SLC6A7: variants seen among roughly 807,000 people sequenced by gnomAD.
The protein encoded by SLC6A7 is solute carrier family 6 member 7, also known as sodium-dependent proline transporter.
SLC6A7 carries 58 observed loss-of-function variants against 73.1 expected under a neutral mutation model. The ratio of observed to expected loss-of-function variants is 0.79; its 90% CI spans 0.64 to 0.99. The LOEUF (loss-of-function observed/expected upper bound fraction) is 0.99. Ranked by LOEUF, SLC6A7 falls within the 50% of genes least tolerant of loss-of-function variation. The pLI is 0.00. For missense variants in SLC6A7, 783 were observed against 831.4 expected, an observed-to-expected ratio of 0.94 and a Z score of 0.72; for synonymous variants, 338 against 338.7, an observed-to-expected ratio of 1.00 and a Z score of 0.02.
rs898638662 is a variant in SLC6A7, at chr5:150,210,891, G to A, written c.*1276G>A. 1 of 152,450 alleles carries A rather than the reference G, an allele frequency of 6.6e-6. No homozygotes were observed. The allele number at this position is 152,450 out of a possible 1,614,324, so 9.4% of individuals were successfully genotyped here. On this transcript the variant is annotated 3_prime_UTR_variant, in exon 14 of 14. Transcript: ENST00000230671. Reference sequence around the variant, plus strand: ...TACTGTGGGTCCCTCAAAGAGGAGAGTGGGGTGCAGAAATGCCTCAGCATG... The same window carrying A: ...TACTGTGGGTCCCTCAAAGAGGAGAATGGGGTGCAGAAATGCCTCAGCATG...
Position 150,194,906 on chromosome 5 carries a change from G to A in SLC6A7, c.212G>A (p.Gly71Glu), listed in dbSNP as rs1752948630. 1.2e-6 allele frequency: 2 copies of A among 1,613,408 alleles called. No individual in the cohort carries two copies. Among genetic ancestry groups the A allele is most frequent in the South Asian group, 1.1e-5 (1 of 91,048 alleles). ...TTCCCCTATCGAGCGTACACCAATG[G>A]AGGAGGTATGGGCCTGAGGTCCTGT... The part of the protein sequence containing the change: ...WRFPYRAYTN[G>E]GGAFLVPYFL... The change falls in exon 2 of 14, where the codon GGA becomes GAA. Residue 71 changes from glycine (G) to glutamate (E), a missense_variant. Coordinates refer to ENST00000230671, the MANE Select transcript of SLC6A7 (RefSeq NM_014228.5).
rs771483743 is a variant in SLC6A7, at chr5:150,209,427, CCGGCCATGGA to C, written c.1725_1734del (p.Ala576GlyfsTer26). On this transcript the variant is annotated frameshift_variant, in exon 14 of 14. Transcript: ENST00000230671. LOFTEE classifies it high-confidence loss of function. ...GCAGCGGCTCCAACAGGCCAGCCGG[CCGGCCATGGA>C]CTGGGGACCATCGCTGGAGGAGAAC... is the stretch of plus-strand genomic sequence containing the variant. 15 of 1,613,708 alleles carry C rather than the reference CCGGCCATGGA, an allele frequency of 9.3e-6. No individual in the cohort carries two copies. In the South Asian group the frequency reaches 1.6e-4, roughly 18 times the overall value.
chr5:150,195,973 A>G (rs565496005), intron 2 of SLC6A7, among the ~76,000 whole-genome samples: 1 of 152,200 alleles, frequency 6.6e-6, no homozygotes, highest in Non-Finnish European at 1.5e-5. Context: ...GGCCACAGAC[A>G]ACTCTGCAAT....
At chr5:150,192,267 A>G (rs1195141752) in intron 1 of SLC6A7, among the ~76,000 whole-genome samples, 1 of 152,086 alleles carries the variant, frequency 6.6e-6, no homozygotes, top group African/African-American at 2.4e-5. Context: ...TAATCTGCAC[A>G]ATGATGAAGC....
intron 1 of SLC6A7, among the ~76,000 whole-genome samples, chr5:150,191,246 G>A (rs1219252688): frequency 6.6e-6 from 1 of 152,292 alleles, no homozygotes; most frequent in Non-Finnish European, 1.5e-5. Flanking sequence ...GGGTGTGTGA[G>A]GTGTGGGGAA....
chr5:150,194,722 T>C lies in SLC6A7; in HGVS notation c.34-6T>C. 2 of 1,612,716 alleles carry C rather than the reference T, an allele frequency of 1.2e-6. No individual in the cohort carries two copies. The highest frequency in any genetic ancestry group is 4.5e-5 in the East Asian group (2 of 44,850). On this transcript the variant is annotated splice_polypyrimidine_tract_variant and splice_region_variant and intron_variant, in intron 1 of 13. Transcript: ENST00000230671. ...CCCCAACCTCTTTGGTCTCTCTCAT[T>C]GGCAGCCTGTCACCCCAGACCTGCT... is the stretch of plus-strand genomic sequence containing the variant.
chr5:150,204,667 C>A, intron 11 of SLC6A7, 36 bp downstream of exon 11: 2 of 1,511,392 alleles, frequency 1.3e-6, no homozygotes, highest in African/African-American at 1.4e-5. Flanking sequence ...TCGAGCTCTC[C>A]GCAGTGGGAG....
chr5:150,201,897 T>C (rs1015644346), intron 6 of SLC6A7, among the ~76,000 whole-genome samples: 1 of 152,156 alleles, frequency 6.6e-6, no homozygotes, highest in Non-Finnish European at 1.5e-5. Flanking sequence ...TATCCCCTCG[T>C]TACAGATAGG....
At chr5:150,207,812 A>T (rs1753773342) in intron 13 of SLC6A7, among the ~76,000 whole-genome samples, 1 of 152,108 alleles carries the variant, frequency 6.6e-6, no homozygotes, top group African/African-American at 2.4e-5. Context: ...AAATTAGCCA[A>T]TGCTTAGCAC....
chr5:150,206,823 C>T (rs1753724877), intron 13 of SLC6A7, among the ~76,000 whole-genome samples: 1 of 152,220 alleles, frequency 6.6e-6, no homozygotes, highest in African/African-American at 2.4e-5. Context: ...GCTCCAGCTC[C>T]CAGGAAGCTC....
chr5:150,191,961 A>T (rs1283638361), intron 1 of SLC6A7, among the ~76,000 whole-genome samples: 1 of 151,804 alleles, frequency 6.6e-6, no homozygotes, highest in Admixed American at 6.6e-5. Context: ...CTTTATAAAT[A>T]AGGCAACTGA....
Position 150,209,530 on chromosome 5 carries a change from G to A in SLC6A7, c.1826G>A (p.Arg609His), listed in dbSNP as rs375298689. ...QSPKPLMVHM[R>H]KYGGITSFEN... ...CCAAAGCCACTGATGGTGCACATGCGCAAGTACGGGGGCATCACCAGCTTC... is the reference window on the plus strand; with the variant it reads ...CCAAAGCCACTGATGGTGCACATGCACAAGTACGGGGGCATCACCAGCTTC... Residue 609 changes from arginine to histidine, a missense_variant, in exon 14 of 14, where the codon CGC (arginine) becomes CAC (histidine). Coordinates refer to ENST00000230671, the MANE Select transcript of SLC6A7 (RefSeq NM_014228.5). The A allele has an allele frequency of 3.0e-5, 49 of 1,614,096 alleles. No individual in the cohort carries two copies. Among genetic ancestry groups the A allele is most frequent in the Middle Eastern group, 1.6e-4 (1 of 6,082 alleles).
chr5:150,196,889 C>T, intron 3 of SLC6A7, 42 bp downstream of exon 3: 1 of 1,594,866 alleles, frequency 6.3e-7, no homozygotes, highest in Non-Finnish European at 8.6e-7. Flanking sequence ...GGCTCAGGGT[C>T]TGGGGGAGGC....
intron 13 of SLC6A7, among the ~76,000 whole-genome samples, chr5:150,208,423 G>T (rs7725656): frequency 4.3e-4 from 65 of 152,282 alleles, no homozygotes; most frequent in African/African-American, 8.4e-4. Flanking sequence ...TGGAGCAGAG[G>T]GGGTGGAGAG....
chr5:150,208,964 G>T (rs531750322), intron 13 of SLC6A7, among the ~76,000 whole-genome samples: 1 of 152,202 alleles, frequency 6.6e-6, no homozygotes, highest in Non-Finnish European at 1.5e-5. Context: ...AGCTCCTTAA[G>T]ATTCAGCATT....
chr5:150,192,353 G>C (rs1230391919), intron 1 of SLC6A7, among the ~76,000 whole-genome samples: 2 of 152,204 alleles, frequency 1.3e-5, no homozygotes, highest in Non-Finnish European at 2.9e-5. Flanking sequence ...CCCAGCCCCT[G>C]CTGTGAGTCC....
chr5:150,208,620 G>A (rs897966356), intron 13 of SLC6A7, among the ~76,000 whole-genome samples: 7 of 152,196 alleles, frequency 4.6e-5, no homozygotes, highest in South Asian at 4.1e-4. Context: ...GGGAGACCCC[G>A]GCTAAAGGCA....
At chr5:150,202,792 G>A in intron 8 of SLC6A7, 89 bp downstream of exon 8, 6 of 1,461,122 alleles carry the variant, frequency 4.1e-6, no homozygotes, top group Non-Finnish European at 3.7e-6. Flanking sequence ...TTATGGATGG[G>A]GGCCAGGCGC....
intron 2 of SLC6A7, among the ~76,000 whole-genome samples, chr5:150,195,386 C>A (rs1752971820): frequency 6.6e-6 from 1 of 152,208 alleles, no homozygotes; most frequent in African/African-American, 2.4e-5. Flanking sequence ...AAAGTCTCTC[C>A]CATCTTAAAC....
Sources: allele counts gnomAD v4.1 joint callset (sites outside exome capture counted in the v4.1 genomes callset), GRCh38; gene constraint gnomAD v4.1.1; transcripts MANE v1.5; gene names NCBI Gene and HGNC (gene_info 2026-07-23, HGNC 2026-07-21).